The following DIAPH1 variants were observed in gnomAD, a reference collection of about 807,000 sequenced individuals.
The protein encoded by DIAPH1 is protein diaphanous homolog 1.
DIAPH1 carries 46 observed loss-of-function variants against 140.7 expected under a neutral mutation model. That is an observed-to-expected ratio of 0.33 (90% CI 0.26 to 0.42). DIAPH1 has a LOEUF of 0.42. Ranked by LOEUF, DIAPH1 falls within the 10% of genes least tolerant of loss-of-function variation. The pLI is 1.00. For synonymous variants in DIAPH1, 565 were observed against 551.6 expected (o/e 1.02, Z -0.34); for missense variants, 1,310 against 1,558.7 (o/e 0.84, Z 2.69).
intron 16 of DIAPH1, among the ~76,000 whole-genome samples, chr5:141,573,012 T>C (rs887080436): frequency 6.6e-6 from 1 of 152,222 alleles, no homozygotes; most frequent in African/African-American, 2.4e-5. Flanking sequence ...ATGTATGGAA[T>C]AAAGAAGATG....
At chr5:141,530,794 T>C (rs897067630) in intron 19 of DIAPH1, among the ~76,000 whole-genome samples, 4 of 152,188 alleles carry the variant, frequency 2.6e-5, no homozygotes, top group Admixed American at 1.3e-4. Context: ...GATAAGCCTT[T>C]TGGAATCGCC....
intron 18 of DIAPH1, among the ~76,000 whole-genome samples, chr5:141,555,788 T>A (rs933537478): frequency 6.6e-6 from 1 of 152,206 alleles, no homozygotes; most frequent in African/African-American, 2.4e-5. Flanking sequence ...CCTAGCTATG[T>A]GGTTAAAAAG....
chr5:141,529,200 A>G lies in DIAPH1; in HGVS notation c.2750T>C (p.Leu917Pro). ...CACGCCAAACTGCTCTGACTCAGCC[A>G]GGTCATCATATTCATCCTTCAGTTC... Reference protein sequence around the residue: ...LSELKDEYDDLAESEQFGVVM... With the variant: ...LSELKDEYDDPAESEQFGVVM... The change falls in exon 21 of 28, where the codon CTG becomes CCG. Residue 917 changes from leucine (L) to proline (P), a missense_variant. Transcript: ENST00000389054. 1 of 1,614,148 alleles carries G rather than the reference A, an allele frequency of 6.2e-7. No homozygotes were observed. The highest frequency in any genetic ancestry group is 8.5e-7 in the Non-Finnish European group (1 of 1,179,992).
intron 18 of DIAPH1, chr5:141,563,874 A>AC (rs2099893966): frequency 6.6e-6 from 1 of 152,232 alleles, no homozygotes; most frequent in Non-Finnish European, 1.5e-5. Flanking sequence ...TCCAAGTTAG[A>AC]CCAGGGGAAT....
In DIAPH1 at chr5:141,577,497, C is replaced by T. The variant is rs2099896137; in HGVS notation, c.1258G>A (p.Val420Ile). ...FLSILQHLLL[V>I]RNDYEARPQY... ...TACCTGGCCTCATAGTCATTTCGGA[C>T]CAAGAGTAAGTGCTGCAGGATGGAA... is the stretch of plus-strand genomic sequence containing the variant. Residue 420 changes from valine to isoleucine, a missense_variant, in exon 12 of 28, where the codon GTC (valine) becomes ATC (isoleucine). Transcript: ENST00000389054. 6.2e-7 allele frequency: 1 copy of T among 1,613,390 alleles called. No homozygotes were observed. The highest frequency in any genetic ancestry group is 1.1e-5 in the South Asian group (1 of 91,066).
chr5:141,606,795 T>C (rs1301915711), intron 1 of DIAPH1, among the ~76,000 whole-genome samples: 1 of 152,104 alleles, frequency 6.6e-6, no homozygotes, highest in African/African-American at 2.4e-5. Flanking sequence ...TGAATAATAA[T>C]CTCTTCTCAA....
At chr5:141,602,519 C>A (rs1474297364) in intron 1 of DIAPH1, among the ~76,000 whole-genome samples, 1 of 152,132 alleles carries the variant, frequency 6.6e-6, no homozygotes, top group Non-Finnish European at 1.5e-5. Context: ...CTGGCCTTTG[C>A]CACAAAATTT....
chr5:141,529,455 T>A, intron 20 of DIAPH1, 148 bp downstream of exon 20: 1 of 900,150 alleles, frequency 1.1e-6, no homozygotes, highest in Non-Finnish European at 1.8e-6. Context: ...CCAGAAGTAA[T>A]CTGACCACCA....
chr5:141,595,610 G>A (rs1251765140), intron 1 of DIAPH1, among the ~76,000 whole-genome samples: 2 of 152,140 alleles, frequency 1.3e-5, no homozygotes, highest in African/African-American at 4.8e-5. Flanking sequence ...CACTCACTCT[G>A]TCCTGCCACC....
At chr5:141,608,611 A>C (rs1412414015) in intron 1 of DIAPH1, among the ~76,000 whole-genome samples, 1 of 152,224 alleles carries the variant, frequency 6.6e-6, no homozygotes, top group Admixed American at 6.5e-5. Flanking sequence ...GACTCAGGAA[A>C]TCAACAGAAA....
chr5:141,540,734 A>G (rs912463597), intron 18 of DIAPH1, among the ~76,000 whole-genome samples: 3 of 151,928 alleles, frequency 2.0e-5, no homozygotes, highest in African/African-American at 7.2e-5. Context: ...ATTTTTAAAC[A>G]GACATGTCAC....
At chr5:141,608,216 A>G (rs1358315122) in intron 1 of DIAPH1, among the ~76,000 whole-genome samples, 1 of 152,188 alleles carries the variant, frequency 6.6e-6, no homozygotes, top group Non-Finnish European at 1.5e-5. Context: ...AGGTGGGAGG[A>G]CTGCTTGAGC....
At chr5:141,534,715 G>A (rs1162317422) in intron 18 of DIAPH1, among the ~76,000 whole-genome samples, 1 of 152,126 alleles carries the variant, frequency 6.6e-6, no homozygotes, top group Non-Finnish European at 1.5e-5. Flanking sequence ...GCCTGTAAAG[G>A]ACCAGATAGT....
intron 17 of DIAPH1, 99 bp from the exon 18 acceptor site, chr5:141,571,535 T>A (rs2099895186): frequency 9.7e-7 from 1 of 1,031,156 alleles, no homozygotes. Context: ...CTGTAGACAG[T>A]CACTCAGTCA....
intron 8 of DIAPH1, among the ~76,000 whole-genome samples, chr5:141,580,452 A>G (rs187319833): frequency 6.7e-6 from 1 of 149,992 alleles, no homozygotes; most frequent in East Asian, 1.9e-4. Context: ...TTCTGAATTA[A>G]AAAAAAAAAG....
intron 3 of DIAPH1, among the ~76,000 whole-genome samples, chr5:141,586,331 G>T (rs946735680): frequency 6.6e-6 from 1 of 152,184 alleles, no homozygotes; most frequent in South Asian, 2.1e-4. Context: ...CAGGCCCTGT[G>T]CTAAGGATTT....
intron 18 of DIAPH1, chr5:141,550,460 T>C (rs893740665): frequency 1.7e-4 from 26 of 154,412 alleles, no homozygotes; most frequent in African/African-American, 6.0e-4. Flanking sequence ...CTAAGTCCCT[T>C]ATCCAGGCAA....
intron 3 of DIAPH1, among the ~76,000 whole-genome samples, chr5:141,584,815 C>T (rs566436314): frequency 1.1e-4 from 17 of 152,326 alleles, no homozygotes; most frequent in African/African-American, 3.6e-4. Flanking sequence ...TGTGTCCAAG[C>T]CTAGTACCTT....
intron 18 of DIAPH1, among the ~76,000 whole-genome samples, chr5:141,550,673 T>C (rs1345223885): frequency 2.0e-5 from 3 of 152,080 alleles, no homozygotes; most frequent in Non-Finnish European, 1.5e-5. Flanking sequence ...TGGAGTGCAG[T>C]GGCACAATCT....
Sources: gnomAD v4.1 joint callset for allele counts (sites outside exome capture counted in the v4.1 genomes callset) on GRCh38, gnomAD v4.1.1 for gene constraint, MANE v1.5 for transcripts, NCBI Gene and HGNC (gene_info 2026-07-23, HGNC 2026-07-21) for gene names.